CADM2: variants seen among roughly 807,000 people sequenced by gnomAD.
CADM2 encodes the protein immunoglobulin superfamily member 4D.
A neutral mutation model predicts 49.8 loss-of-function variants in CADM2; 12 were observed. The observed-to-expected ratio is 0.24, with a 90% CI of 0.15 to 0.39. The LOEUF (loss-of-function observed/expected upper bound fraction) is 0.39, where lower values mean the gene tolerates loss of function less well. Among genes scored for constraint, CADM2 ranks in the 10% least tolerant of loss-of-function variants. The probability of loss-of-function intolerance (pLI) is 1.00; values close to 1 mark genes in which losing one functional copy is unlikely to be tolerated. For synonymous variants in CADM2, 214 were observed against 175.4 expected, an observed-to-expected ratio of 1.22 and a Z score of -1.74; for missense variants, 378 against 492.3, an observed-to-expected ratio of 0.77 and a Z score of 2.20.
chr3:85,678,682 T>A (rs563075659), intron 1 of CADM2, among the ~76,000 whole-genome samples: 1 of 152,326 alleles, frequency 6.6e-6, no homozygotes, highest in African/African-American at 2.4e-5. Flanking sequence ...CTCATAAAAA[T>A]CTATGAAATG....
At chr3:85,708,762 T>C (rs1343650238) in intron 1 of CADM2, among the ~76,000 whole-genome samples, 1 of 152,168 alleles carries the variant, frequency 6.6e-6, no homozygotes, top group Non-Finnish European at 1.5e-5. Flanking sequence ...TTCTTAATGT[T>C]ATTGAGGACA....
At chr3:85,483,859 CA>C in intron 1 of CADM2, among the ~76,000 whole-genome samples, 1 of 151,508 alleles carries the variant, frequency 6.6e-6, no homozygotes, top group Admixed American at 6.6e-5. Context: ...AACTGGTTAA[CA>C]GGAGTTATTA....
At chr3:85,550,277 A>G (rs1406737716) in intron 1 of CADM2, among the ~76,000 whole-genome samples, 1 of 152,222 alleles carries the variant, frequency 6.6e-6, no homozygotes, top group Non-Finnish European at 1.5e-5. Context: ...ACAGTAAGCC[A>G]TGTATTGGTT....
At chr3:86,046,429 AT>A (rs1170492441) in intron 8 of CADM2, among the ~76,000 whole-genome samples, 4 of 152,100 alleles carry the variant, frequency 2.6e-5, no homozygotes, top group African/African-American at 7.2e-5. Context: ...TTTTAAGCAT[AT>A]TTGCCTAGAT....
chr3:86,055,216 A>G (rs1005332274), intron 8 of CADM2, among the ~76,000 whole-genome samples: 8 of 152,134 alleles, frequency 5.3e-5, no homozygotes, highest in Admixed American at 2.0e-4. Flanking sequence ...TGACATATGC[A>G]TATGTCCTGT....
At chr3:85,908,107 A>C (rs1423721739) in intron 5 of CADM2, among the ~76,000 whole-genome samples, 1 of 152,064 alleles carries the variant, frequency 6.6e-6, no homozygotes, top group Non-Finnish European at 1.5e-5. Context: ...TTCATTCTAA[A>C]AGTGGCCAGA....
chr3:85,232,663 T>G (rs2042321279), intron 1 of CADM2, among the ~76,000 whole-genome samples: 2 of 151,858 alleles, frequency 1.3e-5, no homozygotes, highest in South Asian at 2.1e-4. Flanking sequence ...AATAAACATG[T>G]GAAAAAAAAC....
intron 1 of CADM2, among the ~76,000 whole-genome samples, chr3:85,547,782 A>G (rs1458260552): frequency 1.3e-5 from 2 of 152,156 alleles, no homozygotes; most frequent in Non-Finnish European, 2.9e-5. Flanking sequence ...GCTCATTATC[A>G]TGAAGACAAT....
chr3:85,599,469 GCC>G (rs2063335738), intron 1 of CADM2, among the ~76,000 whole-genome samples: 1 of 151,880 alleles, frequency 6.6e-6, no homozygotes, highest in Non-Finnish European at 1.5e-5. Context: ...TCTGTTCAGA[GCC>G]CAAAACTGTT....
At chr3:84,982,347 A>C (rs1157053732) in intron 1 of CADM2, among the ~76,000 whole-genome samples, 2 of 152,154 alleles carry the variant, frequency 1.3e-5, no homozygotes, top group African/African-American at 2.4e-5. Context: ...TATAAATTAA[A>C]AGTAGTATTT....
At chr3:85,656,611 A>G (rs547596639) in intron 1 of CADM2, among the ~76,000 whole-genome samples, 5 of 152,160 alleles carry the variant, frequency 3.3e-5, no homozygotes, top group African/African-American at 9.6e-5. Flanking sequence ...GCGAGATTCC[A>G]TCTCCAAAAT....
chr3:85,861,859 TAA>T (rs1164028661), intron 3 of CADM2, among the ~76,000 whole-genome samples: 1 of 152,116 alleles, frequency 6.6e-6, no homozygotes, highest in African/African-American at 2.4e-5. Flanking sequence ...TCAAAGCTAA[TAA>T]TATCATAAAT....
rs114037707 is a variant in CADM2 at position 85,545,769 on chromosome 3, G to A, written c.62-180753G>A. Among the ~76,000 whole-genome samples the A allele has an allele frequency of 8.9e-3, 1,355 of 152,226 alleles. 20 individuals are homozygous for A. Among genetic ancestry groups the A allele is most frequent in the African/African-American group, 0.03 (1,230 of 41,538 alleles). On this transcript the variant is annotated intron_variant, in intron 1 of 9. Coordinates refer to ENST00000383699, the MANE Select transcript of CADM2 (RefSeq NM_001167675.2). ...TATCATAAAATCTGGCACTTTCCAA[G>A]GCATATTTTTTCCCATTCACCTTCT...
intron 8 of CADM2, among the ~76,000 whole-genome samples, chr3:85,983,613 T>A (rs568649608): frequency 5.3e-5 from 8 of 151,772 alleles, no homozygotes; most frequent in Admixed American, 2.6e-4. Context: ...AGTTGTATCA[T>A]ACCATTAATG....
chr3:85,088,185 C>T lies in CADM2; in HGVS notation c.61+128517C>T, dbSNP rs1470253524. Among the ~76,000 whole-genome samples, 4 of 152,216 alleles carry T rather than the reference C, an allele frequency of 2.6e-5. No individual in the cohort carries two copies. In the East Asian group the frequency reaches 5.8e-4, roughly 22 times the overall value. Reference sequence around the variant, plus strand: ...TTTTTGATTTGATTAATTCTGCTTGCTGGCCCAAGCACTGAATTCATATTG... The same window carrying T: ...TTTTTGATTTGATTAATTCTGCTTGTTGGCCCAAGCACTGAATTCATATTG... On this transcript the variant is annotated intron_variant, in intron 1 of 9. Coordinates refer to ENST00000383699, the MANE Select transcript of CADM2 (RefSeq NM_001167675.2).
intron 1 of CADM2, among the ~76,000 whole-genome samples, chr3:85,144,644 G>GAAAA (rs2039683085): frequency 1.3e-5 from 2 of 150,980 alleles, no homozygotes; most frequent in African/African-American, 2.4e-5. Context: ...AAGAAAGAAA[G>GAAAA]AACAAGATTT....
intron 1 of CADM2, among the ~76,000 whole-genome samples, chr3:85,117,755 A>G (rs113677978): frequency 6.6e-6 from 1 of 152,208 alleles, no homozygotes; most frequent in Non-Finnish European, 1.5e-5. Flanking sequence ...AAGGAAGTCT[A>G]GAATAAAATT....
chr3:85,762,413 T>A (rs2069435358), intron 2 of CADM2, among the ~76,000 whole-genome samples: 1 of 152,088 alleles, frequency 6.6e-6, no homozygotes, highest in Non-Finnish European at 1.5e-5. Flanking sequence ...TTTGAGATAT[T>A]TCTCATGCTG....
At chr3:85,817,992 A>G (rs1043245860) in intron 3 of CADM2, among the ~76,000 whole-genome samples, 4 of 152,154 alleles carry the variant, frequency 2.6e-5, no homozygotes, top group Non-Finnish European at 5.9e-5. Context: ...TCATAAGCCT[A>G]TCATTTAAGG....
Sources: allele counts gnomAD v4.1 joint callset (sites outside exome capture counted in the v4.1 genomes callset), GRCh38; gene constraint gnomAD v4.1.1; transcripts MANE v1.5; gene names NCBI Gene and HGNC (gene_info 2026-07-23, HGNC 2026-07-21).